Variants in BIRC6 observed in about 807,000 individuals in gnomAD.
The protein encoded by BIRC6 is baculoviral IAP repeat containing 6, also known as dual E2 ubiquitin-conjugating enzyme/E3 ubiquitin-protein ligase BIRC6.
A neutral mutation model predicts 503.3 loss-of-function variants in BIRC6; 98 were observed. The observed-to-expected ratio is 0.19, with a 90% CI of 0.17 to 0.23. BIRC6 has a LOEUF of 0.23. Ranked by LOEUF, BIRC6 falls within the 10% of genes least tolerant of loss-of-function variation. BIRC6 has a pLI of 1.00. For missense variants in BIRC6, 5,360 were observed against 5,806.0 expected, an observed-to-expected ratio of 0.92 and a Z score of 2.50; for synonymous variants, 2,240 against 2,078.7, an observed-to-expected ratio of 1.08 and a Z score of -2.11.
intron 12 of BIRC6, among the ~76,000 whole-genome samples, chr2:32,431,975 A>C (rs1252809040): frequency 6.6e-6 from 1 of 152,214 alleles, no homozygotes; most frequent in African/African-American, 2.4e-5. Flanking sequence ...TGGTATTTTC[A>C]ATATAAGGGA....
Position 32,473,221 on chromosome 2 carries a change from G to C in BIRC6, c.6702G>C (p.Gln2234His). Residue 2234 changes from glutamine (Q) to histidine (H), a missense_variant, in exon 33 of 74, where the codon CAG (glutamine) becomes CAC (histidine). Around this residue, in one of 16 missense-constraint regions of BIRC6, gnomAD observed 2,299 missense variants for 2,267.2 expected, o/e 1.01. Coordinates refer to ENST00000421745, the MANE Select transcript of BIRC6 (RefSeq NM_016252.4). ...DRLYSRKIRK[Q>H]LVHHKQQLNL... ...TATATTCCAGAAAAATCAGAAAGCA[G>C]CTTGTTCATCATAAACAGGTAATTG... The C allele has an allele frequency of 6.5e-7, 1 of 1,544,404 alleles. No homozygotes were observed. The highest frequency in any genetic ancestry group is 8.7e-7 in the Non-Finnish European group (1 of 1,143,940).
chr2:32,467,840 C>A lies in BIRC6; in HGVS notation c.5572-63C>A, dbSNP rs1430814245. The A allele has an allele frequency of 1.0e-5, 15 of 1,454,480 alleles. No individual in the cohort carries two copies. In the East Asian group the frequency reaches 3.7e-4, roughly 36 times the overall value. 90.1% of individuals were successfully genotyped at this position (1,454,480 alleles called of 1,614,324 possible). A position where few individuals can be genotyped will look rare whatever the true frequency, so the allele number is the denominator to read the frequency against. On this transcript the variant is annotated intron_variant, in intron 27 of 73. Coordinates refer to ENST00000421745, the MANE Select transcript of BIRC6 (RefSeq NM_016252.4). ...AAAAATATAACTATCTTTTTAAATA[C>A]ATTGCTCAGATTTTTATTGTGGCAG...
chr2:32,594,146 T>C (rs1447901816), intron 67 of BIRC6, 86 bp downstream of exon 67: 16 of 1,429,148 alleles, frequency 1.1e-5, no homozygotes, highest in Non-Finnish European at 1.2e-5. Flanking sequence ...GTGTTTTTGC[T>C]TTATGTTAAT....
chr2:32,532,773 C>A (rs2056891680), intron 61 of BIRC6, among the ~76,000 whole-genome samples: 1 of 152,080 alleles, frequency 6.6e-6, no homozygotes. Context: ...CATAATTACT[C>A]AAAAGTTTGA....
rs115442589 is a variant in BIRC6 at position 32,440,371 on chromosome 2, A to G, written c.3810+685A>G. On this transcript the variant is annotated intron_variant, in intron 16 of 73. Transcript: ENST00000421745. ...TGACTATTTGGGAGTATACAGAAAGAGAAGTTGGGGCGTAATTTTAAGACA... is the reference window on the plus strand; with the variant it reads ...TGACTATTTGGGAGTATACAGAAAGGGAAGTTGGGGCGTAATTTTAAGACA... 8.0e-3 allele frequency among the ~76,000 whole-genome samples: 1,219 copies of G among 152,326 alleles called. 9 individuals carry two copies. Among genetic ancestry groups the G allele is most frequent in the Middle Eastern group, 0.02 (6 of 294 alleles).
chr2:32,415,948 A>G lies in BIRC6; in HGVS notation c.2657A>G (p.Lys886Arg). 1 of 1,613,942 alleles carries G rather than the reference A, an allele frequency of 6.2e-7. No homozygotes were observed. Among genetic ancestry groups the G allele is most frequent in the Non-Finnish European group, 8.5e-7 (1 of 1,179,842 alleles). ...ATTGAGGACATGCAGTTAACCTCAA[A>G]GAATGGTTTTGAGAGAGAAAAAACG... Reference protein sequence around the residue: ...EPIEDMQLTSKNGFEREKTSD... With the variant: ...EPIEDMQLTSRNGFEREKTSD... The change falls in exon 10 of 74, where the codon AAG becomes AGG. Residue 886 changes from lysine to arginine, a missense_variant. Physicochemically the swap from Lys to Arg is conservative, Grantham distance 26 (BLOSUM62 2). Coordinates refer to ENST00000421745, the MANE Select transcript of BIRC6 (RefSeq NM_016252.4).
chr2:32,433,591 G>A, intron 12 of BIRC6, 53 bp from the exon 13 acceptor site: 1 of 1,434,056 alleles, frequency 7.0e-7, no homozygotes, highest in Non-Finnish European at 9.4e-7. Context: ...TAATATGGTT[G>A]TGGCTGAAGA....
At chr2:32,490,867 T>C (rs969758940) in intron 43 of BIRC6, among the ~76,000 whole-genome samples, 1 of 152,224 alleles carries the variant, frequency 6.6e-6, no homozygotes, top group Non-Finnish European at 1.5e-5. Context: ...TTTAAAATGC[T>C]ATTATCTTTT....
At chr2:32,586,489 C>G (rs1474182669) in intron 66 of BIRC6, among the ~76,000 whole-genome samples, 2 of 124,236 alleles carry the variant, frequency 1.6e-5, no homozygotes, top group East Asian at 2.7e-4. Flanking sequence ...CTATGTGGCA[C>G]TATATCGGCT....
At chr2:32,365,046 T>C (rs868336708) in intron 1 of BIRC6, among the ~76,000 whole-genome samples, 2 of 152,214 alleles carry the variant, frequency 1.3e-5, no homozygotes, top group African/African-American at 2.4e-5. Flanking sequence ...ATGAATGCAT[T>C]TGAGTTTTTA....
intron 23 of BIRC6, among the ~76,000 whole-genome samples, chr2:32,460,273 T>TATATATATATATATA (rs1491408691): frequency 5.3e-4 from 9 of 16,856 alleles, no homozygotes; most frequent in Admixed American, 1.0e-3. Flanking sequence ...TATATATATA[T>TATATATATATATATA]TTTTTTTTTT....
chr2:32,606,165 G>A (rs549367318), intron 71 of BIRC6, among the ~76,000 whole-genome samples: 250 of 152,244 alleles, frequency 1.6e-3, no homozygotes, highest in African/African-American at 5.8e-3. Context: ...GACTTCTATA[G>A]ATACATTAAC....
intron 30 of BIRC6, 52 bp downstream of exon 30, chr2:32,469,666 C>G (rs374800116): frequency 7.7e-6 from 11 of 1,429,450 alleles, no homozygotes; most frequent in East Asian, 6.8e-5. Flanking sequence ...GTACTTTTCA[C>G]AGTTACTGGT....
At chr2:32,496,820 C>T (rs1013024001) in intron 45 of BIRC6, among the ~76,000 whole-genome samples, 14 of 152,124 alleles carry the variant, frequency 9.2e-5, no homozygotes, top group African/African-American at 1.7e-4. Flanking sequence ...TCAGAGAATA[C>T]GGTTAGTTTA....
At chr2:32,468,149 T>A in intron 28 of BIRC6, 38 bp downstream of exon 28, 1 of 1,565,150 alleles carries the variant, frequency 6.4e-7, no homozygotes, top group South Asian at 1.1e-5. Context: ...TATTGAAACT[T>A]TGTATTTTAT....
intron 66 of BIRC6, among the ~76,000 whole-genome samples, chr2:32,582,364 C>T (rs2060732361): frequency 6.6e-6 from 1 of 152,022 alleles, no homozygotes; most frequent in Non-Finnish European, 1.5e-5. Flanking sequence ...GTTGAGTTGC[C>T]TTGTACACTG....
At chr2:32,461,051 TCTTCTCTTCTCTTCTGTTCTC>T (rs1558789698) in intron 23 of BIRC6, among the ~76,000 whole-genome samples, 11 of 70,992 alleles carry the variant, frequency 1.5e-4, no homozygotes, top group Non-Finnish European at 3.7e-4. Context: ...TCTTCTCTTC[TCTTCTCTTCTCTTCTGTTCTC>T]CTCTCCTCTC....
In BIRC6 at chr2:32,466,372, C is replaced by G. The variant is rs909565166; in HGVS notation, c.5357-1153C>G. Among the ~76,000 whole-genome samples the G allele has an allele frequency of 3.6e-4, 55 of 152,122 alleles. 1 individual carries two copies. Among genetic ancestry groups the G allele is most frequent in the African/African-American group, 1.3e-3 (52 of 41,426 alleles). The stretch of plus-strand genomic sequence containing the variant: ...AAATCTGCTTTTTCTTTACCTATCT[C>G]ATCTGGCATTGAGCTGAAGAGACTG... On this transcript the variant is annotated intron_variant, in intron 26 of 73. Coordinates refer to ENST00000421745, the MANE Select transcript of BIRC6 (RefSeq NM_016252.4).
At chr2:32,400,388 G>T (rs1266438761) in intron 6 of BIRC6, among the ~76,000 whole-genome samples, 1 of 147,030 alleles carries the variant, frequency 6.8e-6, no homozygotes, top group Non-Finnish European at 1.5e-5. Context: ...GCCCAGGCTG[G>T]AGTGCAGTGG....
Sources: gnomAD v4.1 joint callset for allele counts (sites outside exome capture counted in the v4.1 genomes callset) on GRCh38, gnomAD v4.1.1 for gene constraint, gnomAD v4.1.1 regional missense constraint, MANE v1.5 for transcripts, NCBI Gene and HGNC (gene_info 2026-07-23, HGNC 2026-07-21) for gene names.